Variants in USP42 observed in about 807,000 individuals in gnomAD.
The protein encoded by USP42 is ubiquitin carboxyl-terminal hydrolase 42.
USP42 carries 23 observed loss-of-function variants against 113.0 expected under a neutral mutation model. That is an observed-to-expected ratio of 0.20 (90% confidence interval 0.15 to 0.29). USP42 has a LOEUF of 0.29. Ranked by LOEUF, USP42 falls within the 10% of genes least tolerant of loss-of-function variation. The pLI is 1.00. For missense variants in USP42, 2,174 were observed against 1,779.8 expected, an observed-to-expected ratio of 1.22 and a Z score of -3.99; for synonymous variants, 933 against 699.0, an observed-to-expected ratio of 1.33 and a Z score of -5.28.
At chr7:6,127,429 A>G (rs1306583493) in intron 3 of USP42, among the ~76,000 whole-genome samples, 1 of 148,508 alleles carries the variant, frequency 6.7e-6, no homozygotes, top group East Asian at 1.9e-4. Context: ...AATGTGTTAC[A>G]TTTAAGTCTG....
chr7:6,111,403 G>A (rs370753120), intron 2 of USP42, 29 bp downstream of exon 2: 160 of 1,601,508 alleles, frequency 1.0e-4, no homozygotes, highest in Non-Finnish European at 1.3e-4. Context: ...GAGAATTACC[G>A]CCAGAAACTC....
intron 3 of USP42, among the ~76,000 whole-genome samples, chr7:6,121,008 T>C (rs1201338524): frequency 6.6e-6 from 1 of 152,214 alleles, no homozygotes; most frequent in African/African-American, 2.4e-5. Flanking sequence ...CTTGGAACCT[T>C]AAGTCACTTA....
At chr7:6,092,041 CTTCTTCTTCTTCTTTCTTCTTCTTCTTCT>C in the USP42 span, among the ~76,000 whole-genome samples, 4 of 94,926 alleles carry the variant, frequency 4.2e-5, no homozygotes, top group African/African-American at 7.6e-5. Context: ...TCTTCTTCTT[CTTCTTCTTCTTCTTTCTTCTTCTTCTTCT>C]TCTTCCTCTT....
In USP42 at chr7:6,109,851, C is replaced by A. The variant is rs1404294359; in HGVS notation, c.-9-1274C>A. On this transcript the variant is annotated intron_variant, in intron 1 of 17. Coordinates refer to ENST00000306177, the MANE Select transcript of USP42 (RefSeq NM_032172.3). ...AAGTAGTTGAGATTACAGGTACGTG[C>A]CACCACGCCCGGCTAATTTTTGTAT... Among the ~76,000 whole-genome samples the A allele has an allele frequency of 2.0e-5, 3 of 151,970 alleles. No individual in the cohort carries two copies. In the East Asian group the frequency reaches 5.8e-4, roughly 29 times the overall value.
At chr7:6,108,043 G>C (rs1157211692) in intron 1 of USP42, among the ~76,000 whole-genome samples, 1 of 152,124 alleles carries the variant, frequency 6.6e-6, no homozygotes, top group Non-Finnish European at 1.5e-5. Flanking sequence ...AATTAGCCGG[G>C]TGTGGTGGCA....
Position 6,159,316 on chromosome 7 carries a change from C to G in USP42, c.3944-134C>G. The G allele has an allele frequency of 8.8e-7, 1 of 1,136,182 alleles. No individual in the cohort carries two copies. The highest frequency in any genetic ancestry group is 1.4e-5 in the South Asian group (1 of 71,644). 70.4% of individuals were successfully genotyped at this position (1,136,182 alleles called of 1,614,324 possible). The stretch of plus-strand genomic sequence containing the variant: ...CGCTGGGACATCCCTGCTCACCTCA[C>G]TGGGGAGTGGCCTCAGGCGCTCACA... On this transcript the variant is annotated intron_variant, in intron 16 of 17. Coordinates refer to ENST00000306177, the MANE Select transcript of USP42 (RefSeq NM_032172.3). The surrounding 1 kb of genome is among the most constrained non-coding windows in gnomAD (Gnocchi z 4.1).
At chr7:6,147,610 T>C in intron 11 of USP42, 129 bp from the exon 12 acceptor site, 1 of 1,015,380 alleles carries the variant, frequency 9.8e-7, no homozygotes, top group Non-Finnish European at 1.4e-6. Context: ...CTCCATACTG[T>C]GTAGCATAAA....
At chr7:6,135,772 T>G (rs1463381834) in intron 3 of USP42, 69 bp from the exon 4 acceptor site, 5 of 799,618 alleles carry the variant, frequency 6.3e-6, no homozygotes, top group Admixed American at 3.3e-5. Context: ...GCCCCTGATT[T>G]GTAATTAGCC....
chr7:6,101,409 C>T (rs1390586203), upstream of USP42, among the ~76,000 whole-genome samples: 2 of 151,110 alleles, frequency 1.3e-5, no homozygotes, highest in African/African-American at 4.9e-5. Context: ...GCATAAAAAC[C>T]ATTTCAATAA....
Position 6,157,671 on chromosome 7 carries a change from G to A in USP42, c.3943+616G>A, listed in dbSNP as rs948159274. ...ATAGAAATACTTTTGCAGCGTATACGTTACTCTCCCGAATCCTTAAACCTG... is the reference window on the plus strand; with the variant it reads ...ATAGAAATACTTTTGCAGCGTATACATTACTCTCCCGAATCCTTAAACCTG... On this transcript the variant is annotated intron_variant, in intron 16 of 17. Coordinates refer to ENST00000306177, the MANE Select transcript of USP42 (RefSeq NM_032172.3). This position sits in a 1 kb window ranked among gnomAD's most constrained non-coding sequence, Gnocchi z 4.1. Among the ~76,000 whole-genome samples, 1 of 152,184 alleles carries A rather than the reference G, an allele frequency of 6.6e-6. No homozygotes were observed. The highest frequency in any genetic ancestry group is 1.5e-5 in the Non-Finnish European group (1 of 68,036).
At position 6,154,644 on chromosome 7, in the gene USP42, G is replaced by A. The variant is rs748350945; in HGVS notation, c.3090G>A (p.Leu1030=). The change falls in exon 15 of 18, where the codon CTG becomes CTA. Residue 1030 remains leucine, a synonymous_variant. Transcript: ENST00000306177. ...CCCGACACCGGAGCGGGGTGGAGCTGGACTGGGTCAGACACCACTACACCG... is the reference window on the plus strand; with the variant it reads ...CCCGACACCGGAGCGGGGTGGAGCTAGACTGGGTCAGACACCACTACACCG... The part of the protein sequence containing the change: ...HHSRHRSGVE[L]DWVRHHYTEG... 1.2e-5 allele frequency: 19 copies of A among 1,605,330 alleles called. 1 individual carries two copies. The Admixed American group carries it at 3.2e-4, about 27-fold the overall frequency.
intron 3 of USP42, among the ~76,000 whole-genome samples, chr7:6,116,200 C>T (rs1018207932): frequency 9.2e-5 from 14 of 151,804 alleles, no homozygotes; most frequent in South Asian, 2.1e-4. Flanking sequence ...TTGGAAGGCT[C>T]AATCATTTAC....
rs1449940899 is a variant in USP42 at position 6,157,252 on chromosome 7, C to T, written c.3943+197C>T. Reference sequence around the variant, plus strand: ...TTCCGTTGCACAGTTAAGCCCTTAGCGTTTATTGAAGGCCTAAGTGACACA... The same window carrying T: ...TTCCGTTGCACAGTTAAGCCCTTAGTGTTTATTGAAGGCCTAAGTGACACA... On this transcript the variant is annotated intron_variant, in intron 16 of 17. Coordinates refer to ENST00000306177, the MANE Select transcript of USP42 (RefSeq NM_032172.3). The surrounding 1 kb of genome is among the most constrained non-coding windows in gnomAD (Gnocchi z 4.1). 6 of 1,341,820 alleles carry T rather than the reference C, an allele frequency of 4.5e-6. No homozygotes were observed. The highest frequency in any genetic ancestry group is 6.0e-5 in the East Asian group (2 of 33,162). The allele number at this position is 1,341,820 out of a possible 1,614,324, so 83.1% of individuals were successfully genotyped here.
At position 6,112,942 on chromosome 7, in the gene USP42, C is replaced by T. The variant is rs376347056; in HGVS notation, c.241+1568C>T. On this transcript the variant is annotated intron_variant, in intron 2 of 17. Transcript: ENST00000306177. ...TTTTTGAGACAGAGTCTCGCTCTGT[C>T]GCCCATTCTGGAATGCAGTGGCGCG... is the stretch of plus-strand genomic sequence containing the variant. Among the ~76,000 whole-genome samples the T allele has an allele frequency of 1.5e-4, 20 of 133,782 alleles. No homozygotes were observed. In the East Asian group the frequency reaches 2.5e-3, roughly 17 times the overall value. The allele number at this position is 133,782 out of a possible 152,430, so 87.8% of individuals were successfully genotyped here.
chr7:6,141,475 C>T (rs932085040), intron 7 of USP42, among the ~76,000 whole-genome samples: 7 of 151,940 alleles, frequency 4.6e-5, no homozygotes, highest in East Asian at 1.9e-4. Flanking sequence ...GGATTACAGG[C>T]GTGAGCCACC....
At chr7:6,145,741 AC>A (rs1781681215) in intron 10 of USP42, 85 bp downstream of exon 10, 2 of 1,435,412 alleles carry the variant, frequency 1.4e-6, no homozygotes, top group Non-Finnish European at 1.9e-6. Context: ...GAGAGGTGGA[AC>A]TTTTACAGTT....
At chr7:6,091,174 C>A in the USP42 span, among the ~76,000 whole-genome samples, 24 of 151,042 alleles carry the variant, frequency 1.6e-4, no homozygotes, top group Non-Finnish European at 3.1e-4. Context: ...TTGATATTGT[C>A]AGTACATAGA....
chr7:6,090,143 A>C, the USP42 span, among the ~76,000 whole-genome samples: 1 of 148,474 alleles, frequency 6.7e-6, no homozygotes, highest in African/African-American at 2.6e-5. Context: ...TCTACTAAAA[A>C]CACAAAATTA....
chr7:6,152,905 G>C (rs1782155889), intron 14 of USP42: 4 of 984,988 alleles, frequency 4.1e-6, no homozygotes, highest in Non-Finnish European at 4.8e-6. Flanking sequence ...CAGAGAAAGG[G>C]AGTCGAGAGG....
Sources: gnomAD v4.1 joint callset for allele counts (sites outside exome capture counted in the v4.1 genomes callset) on GRCh38, gnomAD v4.1.1 for gene constraint, Gnocchi (gnomAD v3.1) non-coding constraint, MANE v1.5 for transcripts, NCBI Gene and HGNC (gene_info 2026-07-23, HGNC 2026-07-21) for gene names.